C6: variants seen among roughly 807,000 people sequenced by gnomAD.
C6 encodes complement C6, also known as complement component C6.
A neutral mutation model predicts 112.9 loss-of-function variants in C6; 101 were observed. The ratio of observed to expected loss-of-function variants is 0.89; its 90% CI spans 0.76 to 1.06. The LOEUF (loss-of-function observed/expected upper bound fraction) is 1.06, where lower values mean the gene tolerates loss of function less well. C6 is among the 50% of genes least tolerant of loss of function. C6 has a pLI of 0.00. For missense variants in C6, 1,202 were observed against 1,104.6 expected, an observed-to-expected ratio of 1.09 and a Z score of -1.25; for synonymous variants, 431 against 384.1, an observed-to-expected ratio of 1.12 and a Z score of -1.43.
chr5:41,168,069 T>C (rs1176960985), intron 9 of C6, among the ~76,000 whole-genome samples: 1 of 152,102 alleles, frequency 6.6e-6, no homozygotes, highest in East Asian at 1.9e-4. Flanking sequence ...TACACAATCA[T>C]AACTGAAAAA....
At chr5:41,234,338 G>GTTTTTTTTTTTTTTTTTT (rs544459678) in intron 1 of C6, among the ~76,000 whole-genome samples, 1 of 127,770 alleles carries the variant, frequency 7.8e-6, no homozygotes, top group African/African-American at 2.9e-5. Context: ...CTACCCTTTC[G>GTTTTTTTTTTTTTTTTTT]TTTTTTTTTT....
At chr5:41,184,900 T>A (rs1312712382) in intron 6 of C6, among the ~76,000 whole-genome samples, 6 of 152,212 alleles carry the variant, frequency 3.9e-5, no homozygotes, top group Non-Finnish European at 8.8e-5. Context: ...CATATGAGTA[T>A]GAAGTGTTAT....
At chr5:41,195,049 A>G (rs1474348264) in intron 5 of C6, among the ~76,000 whole-genome samples, 6 of 152,196 alleles carry the variant, frequency 3.9e-5, no homozygotes, top group Admixed American at 2.0e-4. Context: ...TGGTCAGGTT[A>G]TGTAAGCTTT....
chr5:41,161,384 T>C (rs1747487511), intron 10 of C6, among the ~76,000 whole-genome samples: 1 of 152,142 alleles, frequency 6.6e-6, no homozygotes, highest in African/African-American at 2.4e-5. Flanking sequence ...CCAGATTTAT[T>C]GTATACATGA....
At chr5:41,261,078 C>G in intron 1 of C6, 2 of 442,656 alleles carry the variant, frequency 4.5e-6, no homozygotes, top group Non-Finnish European at 6.0e-6. Context: ...TAAAACTGAA[C>G]TACTGCCTTT....
intron 11 of C6, 117 bp from the exon 12 acceptor site, chr5:41,159,370 A>G (rs905982249): frequency 2.0e-6 from 3 of 1,479,732 alleles, no homozygotes; most frequent in African/African-American, 1.4e-5. Context: ...GTGGGATATG[A>G]TAGGGTTCTT....
At chr5:41,255,095 C>T (rs907951874) in intron 1 of C6, among the ~76,000 whole-genome samples, 5 of 152,096 alleles carry the variant, frequency 3.3e-5, no homozygotes, top group African/African-American at 1.2e-4. Context: ...GGCATGGTGG[C>T]TCATCTCTGT....
intron 1 of C6, among the ~76,000 whole-genome samples, chr5:41,233,726 C>G (rs1403380910): frequency 1.3e-5 from 2 of 151,908 alleles, no homozygotes; most frequent in Non-Finnish European, 1.5e-5. Context: ...TAAAAAAGAC[C>G]TATCTAATCT....
At chr5:41,181,637 A>G in intron 6 of C6, 78 bp from the exon 7 acceptor site, 1 of 1,132,556 alleles carries the variant, frequency 8.8e-7, no homozygotes, top group African/African-American at 1.5e-5. Flanking sequence ...TGAAATGATG[A>G]TTTATTTATT....
Position 41,184,919 on chromosome 5 carries a change from C to A in C6, c.726+1151G>T, listed in dbSNP as rs950522852. 3.9e-5 allele frequency among the ~76,000 whole-genome samples: 6 copies of A among 152,172 alleles called. No homozygotes were observed. The South Asian group carries it at 6.2e-4, about 16-fold the overall frequency. Reference sequence around the variant, plus strand: ...TGAGTATGAAGTGTTATCTAAGCCTCAATTTGCTCCAGCCTCATATACTTC... The same window carrying A: ...TGAGTATGAAGTGTTATCTAAGCCTAAATTTGCTCCAGCCTCATATACTTC... On this transcript the variant is annotated intron_variant, in intron 6 of 17. Transcript: ENST00000337836.
intron 1 of C6, among the ~76,000 whole-genome samples, chr5:41,239,825 T>G (rs1326533294): frequency 6.6e-6 from 1 of 152,226 alleles, no homozygotes; most frequent in African/African-American, 2.4e-5. Flanking sequence ...AGTTTTTGCT[T>G]GTCTAGGAAA....
chr5:41,213,761 C>T (rs1321676984), upstream of C6, among the ~76,000 whole-genome samples: 1 of 151,976 alleles, frequency 6.6e-6, no homozygotes, highest in Non-Finnish European at 1.5e-5. Context: ...AAAATTGCTG[C>T]CCCCCTTAGG....
At chr5:41,219,561 GA>G (rs776313000) in intron 1 of C6, among the ~76,000 whole-genome samples, 2 of 152,098 alleles carry the variant, frequency 1.3e-5, no homozygotes, top group African/African-American at 2.4e-5. Flanking sequence ...GGAAACTACT[GA>G]AAAACTAATG....
At position 41,201,547 on chromosome 5, in the gene C6, T is replaced by C. The variant is rs1163767462; in HGVS notation, c.300+11A>G. 6.2e-7 allele frequency: 1 copy of C among 1,613,218 alleles called. No homozygotes were observed. Among genetic ancestry groups the C allele is most frequent in the Non-Finnish European group, 8.5e-7 (1 of 1,179,570 alleles). On this transcript the variant is annotated intron_variant, in intron 3 of 17. Transcript: ENST00000337836. Reference sequence around the variant, plus strand: ...GATTCATATTTCCTGGAAATGCCCATGGTTGCCTACCTGTTTTTCAATACA... The same window carrying C: ...GATTCATATTTCCTGGAAATGCCCACGGTTGCCTACCTGTTTTTCAATACA...
rs2150244786 is a variant in C6 at position 41,153,983 on chromosome 5, T to C, written c.2117A>G (p.Lys706Arg). The change falls in exon 15 of 18, where the codon AAG becomes AGG. Residue 706 changes from lysine (K) to arginine (R), a missense_variant. Transcript: ENST00000337836. ...DVECQRTECI[K>R]PVVQEVLTIT... ...TGTCAGGACTTCCTGCACAACTGGC[T>C]TGATGCACTCCGTCCCTGCAAGAGA... The C allele has an allele frequency of 1.2e-6, 2 of 1,613,720 alleles. No individual in the cohort carries two copies. Among genetic ancestry groups the C allele is most frequent in the Middle Eastern group, 3.3e-4 (2 of 6,040 alleles).
chr5:41,198,995 A>C (rs997125486), intron 4 of C6, among the ~76,000 whole-genome samples: 5 of 152,078 alleles, frequency 3.3e-5, no homozygotes, highest in Non-Finnish European at 7.4e-5. Flanking sequence ...TCCTGCTCTC[A>C]AATTCCAGGT....
In C6 at chr5:41,199,465, A is replaced by G. The variant is rs146402232; in HGVS notation, c.445+303T>C. On this transcript the variant is annotated intron_variant, in intron 4 of 17. Transcript: ENST00000337836. ...TCATCTCTAGTCATCTTCCAACATG[A>G]TATCTTAATATTCTTGTCATAATAA... is the stretch of plus-strand genomic sequence containing the variant. Among the ~76,000 whole-genome samples, 253 of 152,324 alleles carry G rather than the reference A, an allele frequency of 1.7e-3. 1 individual carries two copies. Among genetic ancestry groups the G allele is most frequent in the Non-Finnish European group, 2.6e-3 (180 of 68,038 alleles).
intron 7 of C6, 103 bp downstream of exon 7, chr5:41,181,256 C>A: frequency 1.9e-6 from 2 of 1,035,624 alleles, no homozygotes; most frequent in Admixed American, 1.9e-5. Context: ...TATTAGAAGT[C>A]ATACTGGTAC....
intron 1 of C6, chr5:41,203,584 C>T: frequency 3.6e-6 from 1 of 278,592 alleles, no homozygotes. Flanking sequence ...TTACCCTTCT[C>T]AAAACACCTG....
Sources: allele counts gnomAD v4.1 joint callset (sites outside exome capture counted in the v4.1 genomes callset), GRCh38; gene constraint gnomAD v4.1.1; transcripts MANE v1.5; gene names NCBI Gene and HGNC (gene_info 2026-07-23, HGNC 2026-07-21).